The following RAD50 variants were observed in gnomAD, a reference collection of about 807,000 sequenced individuals.
RAD50 encodes the protein RAD50 double strand break repair protein, also known as DNA repair protein RAD50.
A neutral mutation model predicts 168.8 loss-of-function variants in RAD50; 132 were observed. The ratio of observed to expected loss-of-function variants is 0.78; its 90% CI spans 0.68 to 0.90. The LOEUF (loss-of-function observed/expected upper bound fraction) is 0.90. RAD50 is among the 40% of genes least tolerant of loss of function. The pLI, the probability that RAD50 is intolerant of heterozygous loss-of-function variation, is 0.00. For missense variants in RAD50, 1,347 were observed against 1,534.4 expected (o/e 0.88, Z 2.04); for synonymous variants, 525 against 497.4 (o/e 1.06, Z -0.74).
At chr5:132,586,506 GA>G in intron 5 of RAD50, among the ~76,000 whole-genome samples, 1 of 152,092 alleles carries the variant, frequency 6.6e-6, no homozygotes, top group Non-Finnish European at 1.5e-5. Flanking sequence ...ATGTTCTGGG[GA>G]TACATTAGGG....
intron 3 of RAD50, among the ~76,000 whole-genome samples, chr5:132,577,353 A>C (rs147209709): frequency 3.3e-5 from 5 of 152,310 alleles, no homozygotes; most frequent in African/African-American, 1.2e-4. Flanking sequence ...AGGATAGTCT[A>C]TTTTAAGGTC....
chr5:132,623,220 T>C (rs1751314102), intron 21 of RAD50, among the ~76,000 whole-genome samples: 1 of 152,222 alleles, frequency 6.6e-6, no homozygotes, highest in Admixed American at 6.5e-5. Context: ...GGCTCATGCC[T>C]GTAAGCCCAG....
intron 3 of RAD50, among the ~76,000 whole-genome samples, chr5:132,578,315 C>A (rs1750436037): frequency 6.6e-6 from 1 of 152,096 alleles, no homozygotes; most frequent in South Asian, 2.1e-4. Context: ...ATGTCTTTGC[C>A]TTCCATATCC....
At chr5:132,559,822 C>T (rs1332088698) in intron 2 of RAD50, among the ~76,000 whole-genome samples, 2 of 152,090 alleles carry the variant, frequency 1.3e-5, no homozygotes, top group African/African-American at 4.8e-5. Flanking sequence ...TGTGCCAATA[C>T]TCCCAGATAG....
chr5:132,604,142 A>G, intron 15 of RAD50, 96 bp downstream of exon 15: 1 of 1,465,550 alleles, frequency 6.8e-7, no homozygotes, highest in Non-Finnish European at 9.5e-7. Context: ...ATGGACAACG[A>G]AGTTCCTTCC....
In RAD50 at chr5:132,625,438, C is replaced by A. The variant is rs142296762; in HGVS notation, c.3389+7144C>A. On this transcript the variant is annotated intron_variant, in intron 21 of 24. Transcript: ENST00000378823. ...TTCTTATTTTTTATGGCTATATAGCCGGTATATTTATGTGGTACGTGAGAT... is the reference window on the plus strand; with the variant it reads ...TTCTTATTTTTTATGGCTATATAGCAGGTATATTTATGTGGTACGTGAGAT... Among the ~76,000 whole-genome samples the A allele has an allele frequency of 8.8e-4, 134 of 152,164 alleles. 2 individuals are homozygous for A. The highest frequency in any genetic ancestry group is 3.1e-3 in the African/African-American group (128 of 41,526).
rs776949511 is a variant in RAD50 at position 132,591,228 on chromosome 5, G to A, written c.1457G>A (p.Arg486His). The A allele has an allele frequency of 5.1e-5, 82 of 1,607,274 alleles. No homozygotes were observed. The highest frequency in any genetic ancestry group is 4.5e-5 in the East Asian group (2 of 44,816). ...ELDQELIKAERELSKAEKNSN... is the reference protein window; with the variant it reads ...ELDQELIKAEHELSKAEKNSN... ...TTTGTATGAATTATTGACTAGGAAC[G>A]TGAGTTAAGCAAGGCTGAGAAAAAC... Residue 486 changes from arginine (R) to histidine (H), a missense_variant, in exon 10 of 25, where the codon CGT (arginine) becomes CAT (histidine). Physicochemically the swap from Arg to His is conservative, Grantham distance 29 (BLOSUM62 0). Around this residue, in one of 3 missense-constraint regions of RAD50, gnomAD observed 703 missense variants for 767.7 expected, o/e 0.92. Coordinates refer to ENST00000378823, the MANE Select transcript of RAD50 (RefSeq NM_005732.4).
At chr5:132,604,183 A>G (rs1383084321) in intron 15 of RAD50, 137 bp downstream of exon 15, 5 of 1,034,236 alleles carry the variant, frequency 4.8e-6, no homozygotes, top group Non-Finnish European at 5.8e-6. Flanking sequence ...TTTTTTCTGA[A>G]AAGCATCACT....
chr5:132,621,077 T>C (rs765909317), intron 21 of RAD50, among the ~76,000 whole-genome samples: 1 of 152,186 alleles, frequency 6.6e-6, no homozygotes, highest in Non-Finnish European at 1.5e-5. Flanking sequence ...TATTCTACTT[T>C]AGTTATTTGA....
chr5:132,595,678 C>T lies in RAD50; in HGVS notation c.2075C>T (p.Ala692Val). ...TGTCAGAGAGTTTTTCAGACAGAGG[C>T]TGAGTTACAAGAAGTCATCAGTGAT... Reference protein sequence around the residue: ...PVCQRVFQTEAELQEVISDLQ... With the variant: ...PVCQRVFQTEVELQEVISDLQ... Residue 692 changes from alanine (A) to valine (V), a missense_variant, in exon 13 of 25, where the codon GCT becomes GTT. This residue lies in a region of RAD50 where 635 missense variants were observed against 739.2 expected (regional missense o/e 0.86). Coordinates refer to ENST00000378823, the MANE Select transcript of RAD50 (RefSeq NM_005732.4). 1 of 1,613,906 alleles carries T rather than the reference C, an allele frequency of 6.2e-7. No individual in the cohort carries two copies. The highest frequency in any genetic ancestry group is 8.5e-7 in the Non-Finnish European group (1 of 1,179,834).
intron 9 of RAD50, among the ~76,000 whole-genome samples, chr5:132,590,160 T>G (rs960899951): frequency 6.6e-6 from 1 of 152,182 alleles, no homozygotes; most frequent in Admixed American, 6.5e-5. Context: ...CTAATTCTTA[T>G]GAGCACCTTG....
chr5:132,640,616 C>G, intron 23 of RAD50, 56 bp from the exon 24 acceptor site: 1 of 1,612,056 alleles, frequency 6.2e-7, no homozygotes, highest in Non-Finnish European at 8.5e-7. Context: ...GACTGCTTGC[C>G]TGCCATGAGA....
Position 132,642,858 on chromosome 5 carries a change from T to C in RAD50, c.*494T>C. On this transcript the variant is annotated 3_prime_UTR_variant, in exon 25 of 25. Transcript: ENST00000378823. ...GTATGTTTGGCTCTGCTTTTAACTT[T>C]ATAAATCCAGTGACCTCTCTCTCTG... 1 of 371,612 alleles carries C rather than the reference T, an allele frequency of 2.7e-6. No individual in the cohort carries two copies. The highest frequency in any genetic ancestry group is 5.4e-6 in the Non-Finnish European group (1 of 186,250). 23.0% of individuals were successfully genotyped at this position (371,612 alleles called of 1,614,324 possible). A position where few individuals can be genotyped will look rare whatever the true frequency, so the allele number is the denominator to read the frequency against.
chr5:132,635,774 CTT>C (rs1017751036), intron 21 of RAD50, among the ~76,000 whole-genome samples: 90 of 152,228 alleles, frequency 5.9e-4, no homozygotes, highest in African/African-American at 2.1e-3. Flanking sequence ...GAAAGGCAGT[CTT>C]TACATGATTG....
At chr5:132,561,373 A>G (rs1419440956) in intron 2 of RAD50, among the ~76,000 whole-genome samples, 3 of 152,006 alleles carry the variant, frequency 2.0e-5, no homozygotes, top group African/African-American at 4.8e-5. Flanking sequence ...TTGTATTTTT[A>G]GCAGAGACGG....
At chr5:132,625,332 C>T (rs1395249852) in intron 21 of RAD50, among the ~76,000 whole-genome samples, 1 of 151,942 alleles carries the variant, frequency 6.6e-6, no homozygotes, top group Non-Finnish European at 1.5e-5. Flanking sequence ...GTGATCCGCC[C>T]GCCTCGGCCT....
intron 16 of RAD50, among the ~76,000 whole-genome samples, chr5:132,606,435 C>T (rs961705070): frequency 2.0e-5 from 3 of 152,086 alleles, no homozygotes; most frequent in African/African-American, 7.2e-5. Context: ...GTCAAATCCC[C>T]AAATGGACCA....
intron 5 of RAD50, among the ~76,000 whole-genome samples, chr5:132,585,441 G>A (rs1019277703): frequency 1.3e-5 from 2 of 152,062 alleles, no homozygotes; most frequent in Non-Finnish European, 2.9e-5. Flanking sequence ...TGTTTTCCTA[G>A]TTGATCAGTC....
chr5:132,564,407 GC>G (rs1750173442), intron 2 of RAD50, among the ~76,000 whole-genome samples: 1 of 152,234 alleles, frequency 6.6e-6, no homozygotes, highest in South Asian at 2.1e-4. Context: ...TTGTGCCCCT[GC>G]TCTAGGAATC....
Sources: gnomAD v4.1 joint callset for allele counts (sites outside exome capture counted in the v4.1 genomes callset) on GRCh38, gnomAD v4.1.1 for gene constraint, gnomAD v4.1.1 regional missense constraint, MANE v1.5 for transcripts, NCBI Gene and HGNC (gene_info 2026-07-23, HGNC 2026-07-21) for gene names.